Variants in EYS observed in about 807,000 individuals in gnomAD.
The protein encoded by EYS is protein eyes shut homolog.
In EYS, 250 loss-of-function variants were observed where a neutral mutation model predicts 282.1. The ratio of observed to expected loss-of-function variants is 0.89; its 90% confidence interval spans 0.80 to 0.98. The LOEUF (loss-of-function observed/expected upper bound fraction) is 0.98, where lower values mean the gene tolerates loss of function less well. EYS is among the 50% of genes least tolerant of loss of function. The pLI is 0.00. For synonymous variants in EYS, 1,355 were observed against 1,282.9 expected (o/e 1.06, Z -1.20); for missense variants, 4,016 against 3,709.0 (o/e 1.08, Z -2.15).
At chr6:65,627,062 T>A (rs1766728723) in intron 2 of EYS, among the ~76,000 whole-genome samples, 1 of 152,112 alleles carries the variant, frequency 6.6e-6, no homozygotes, top group Admixed American at 6.6e-5. Context: ...CTCTTTCCTT[T>A]CCCAGTTTAT....
intron 26 of EYS, among the ~76,000 whole-genome samples, chr6:64,550,102 T>C (rs1296999051): frequency 6.6e-6 from 1 of 152,216 alleles, no homozygotes; most frequent in East Asian, 1.9e-4. Context: ...TTCCATGGTG[T>C]ATATGTGCCA....
chr6:65,087,110 C>T (rs190827565), intron 12 of EYS, among the ~76,000 whole-genome samples: 265 of 152,162 alleles, frequency 1.7e-3, no homozygotes, highest in African/African-American at 5.6e-3. Context: ...CATGAGCCAC[C>T]GTACCCAGCC....
chr6:65,135,331 G>C (rs1775993129), intron 12 of EYS, among the ~76,000 whole-genome samples: 1 of 151,722 alleles, frequency 6.6e-6, no homozygotes, highest in African/African-American at 2.4e-5. Context: ...ATTTTATGAA[G>C]TTGTGTTACT....
chr6:63,747,031 A>G (rs1319317837), intron 41 of EYS, among the ~76,000 whole-genome samples: 1 of 151,936 alleles, frequency 6.6e-6, no homozygotes, highest in Non-Finnish European at 1.5e-5. Context: ...TGTTCGGGTG[A>G]TGATTTTACA....
intron 5 of EYS, among the ~76,000 whole-genome samples, chr6:65,445,085 T>C (rs1342028440): frequency 6.9e-6 from 1 of 145,444 alleles, no homozygotes; most frequent in Non-Finnish European, 1.6e-5. Flanking sequence ...GCCAAGTTAG[T>C]ACCTGAAAAA....
At chr6:65,284,030 G>A (rs561803934) in intron 12 of EYS, among the ~76,000 whole-genome samples, 15 of 152,124 alleles carry the variant, frequency 9.9e-5, no homozygotes, top group Admixed American at 5.2e-4. Context: ...CCATCAAAGC[G>A]ATGCACCAGT....
At chr6:63,897,600 G>A (rs1008084189) in intron 35 of EYS, among the ~76,000 whole-genome samples, 1 of 152,184 alleles carries the variant, frequency 6.6e-6, no homozygotes, top group Non-Finnish European at 1.5e-5. Flanking sequence ...TTTCACCGCA[G>A]TGAAATTAAT....
chr6:65,293,749 A>G (rs563955969), intron 12 of EYS, among the ~76,000 whole-genome samples: 1 of 151,980 alleles, frequency 6.6e-6, no homozygotes, highest in African/African-American at 2.4e-5. Context: ...CTGGTGTTGT[A>G]ACAAGACCTC....
intron 31 of EYS, among the ~76,000 whole-genome samples, chr6:64,213,786 C>T (rs1022120851): frequency 1.3e-5 from 2 of 152,100 alleles, no homozygotes; most frequent in Admixed American, 6.6e-5. Context: ...GTGGATTACA[C>T]CTTTTTTATA....
chr6:64,043,257 G>T (rs947390468), intron 33 of EYS, among the ~76,000 whole-genome samples: 1 of 152,176 alleles, frequency 6.6e-6, no homozygotes, highest in Admixed American at 6.5e-5. Context: ...CTGCTGGCAG[G>T]AGTATAATTG....
Position 65,146,634 on chromosome 6 carries a change from T to C in EYS, c.2024-88907A>G, listed in dbSNP as rs533679398. ...ATTATCCTAGTGTTTTCTTTTTGCATGTATTTGGTTATTTTGTTAGAAAAC... is the reference window on the plus strand; with the variant it reads ...ATTATCCTAGTGTTTTCTTTTTGCACGTATTTGGTTATTTTGTTAGAAAAC... On this transcript the variant is annotated intron_variant, in intron 12 of 42. Coordinates refer to ENST00000503581, the MANE Select transcript of EYS (RefSeq NM_001142800.2). Among the ~76,000 whole-genome samples, 7 of 152,102 alleles carry C rather than the reference T, an allele frequency of 4.6e-5. No homozygotes were observed. The South Asian group carries it at 1.4e-3, about 31-fold the overall frequency.
At chr6:64,344,369 G>C (rs1485603424) in intron 29 of EYS, among the ~76,000 whole-genome samples, 1 of 151,626 alleles carries the variant, frequency 6.6e-6, no homozygotes, top group Non-Finnish European at 1.5e-5. Flanking sequence ...ATGATCAAGT[G>C]GGCTTCATCC....
intron 28 of EYS, among the ~76,000 whole-genome samples, chr6:64,398,505 TACAC>T (rs3046625): frequency 2.7e-5 from 4 of 150,610 alleles, no homozygotes; most frequent in African/African-American, 4.9e-5. Flanking sequence ...TGTCAGGTTT[TACAC>T]ACACACACAC....
chr6:64,622,603 G>A (rs149031436), intron 23 of EYS, among the ~76,000 whole-genome samples: 224 of 152,220 alleles, frequency 1.5e-3, no homozygotes, highest in African/African-American at 5.1e-3. Context: ...TTGGCATAGA[G>A]GTGGAGTTAC....
intron 5 of EYS, among the ~76,000 whole-genome samples, chr6:65,408,654 C>T (rs1002143727): frequency 2.6e-5 from 4 of 152,028 alleles, no homozygotes; most frequent in East Asian, 1.9e-4. Context: ...TTGTCCATTT[C>T]GTTTTCCTCA....
intron 8 of EYS, among the ~76,000 whole-genome samples, chr6:65,372,688 C>A (rs1480604441): frequency 6.6e-6 from 1 of 151,956 alleles, no homozygotes; most frequent in Admixed American, 6.6e-5. Context: ...ATTGAGAATG[C>A]AATTGACATT....
intron 26 of EYS, among the ~76,000 whole-genome samples, chr6:64,567,001 C>T (rs1765586265): frequency 6.6e-6 from 1 of 152,138 alleles, no homozygotes; most frequent in Non-Finnish European, 1.5e-5. Context: ...TCTTGAACTC[C>T]TGACCTCAGG....
At chr6:65,170,182 A>G (rs1249133901) in intron 12 of EYS, among the ~76,000 whole-genome samples, 2 of 151,472 alleles carry the variant, frequency 1.3e-5, no homozygotes, top group African/African-American at 2.4e-5. Context: ...GTTTTAGAAC[A>G]CACATACACA....
At chr6:65,338,391 T>C (rs1770071818) in intron 10 of EYS, among the ~76,000 whole-genome samples, 1 of 150,686 alleles carries the variant, frequency 6.6e-6, no homozygotes, top group Admixed American at 6.6e-5. Context: ...CAACTTTGTG[T>C]ATACAGAGAA....
Sources: gnomAD v4.1 joint callset for allele counts (sites outside exome capture counted in the v4.1 genomes callset) on GRCh38, gnomAD v4.1.1 for gene constraint, MANE v1.5 for transcripts, NCBI Gene and HGNC (gene_info 2026-07-23, HGNC 2026-07-21) for gene names.